DERA: variants seen among roughly 807,000 people sequenced by gnomAD.
DERA encodes 2-deoxy-D-ribose 5-phosphate aldolase.
Under a neutral mutation model 41.1 loss-of-function variants are expected in DERA, and 15 were observed. The observed-to-expected ratio is 0.37, with a 90% CI of 0.24 to 0.56. The LOEUF (loss-of-function observed/expected upper bound fraction) is 0.56. Among genes scored for constraint, DERA ranks in the 20% least tolerant of loss-of-function variants. The pLI is 0.81. For missense variants in DERA, 396 were observed against 403.4 expected (o/e 0.98, Z 0.16); for synonymous variants, 139 against 137.4 (o/e 1.01, Z -0.08).
chr12:16,036,660 T>C lies in DERA; in HGVS notation c.901-30T>C. On this transcript the variant is annotated intron_variant, in intron 8 of 8. Transcript: ENST00000428559. The surrounding 1 kb of genome is among the most constrained non-coding windows in gnomAD (Gnocchi z 4.9). ...ACTGATGTGTATAATTATAGAATGATTGTTAATTAAACTCTGCTTTTCCTC... is the reference window on the plus strand; with the variant it reads ...ACTGATGTGTATAATTATAGAATGACTGTTAATTAAACTCTGCTTTTCCTC... 6.6e-7 allele frequency: 1 copy of C among 1,504,272 alleles called. No homozygotes were observed. The allele number at this position is 1,504,272 out of a possible 1,614,324, so 93.2% of individuals were successfully genotyped here. A position where few individuals can be genotyped will look rare whatever the true frequency, so the allele number is the denominator to read the frequency against.
In DERA at chr12:15,982,420, GAT is replaced by G; in HGVS notation, c.623_624del (p.Ile208SerfsTer10). 6.2e-7 allele frequency: 1 copy of G among 1,607,916 alleles called. No individual in the cohort carries two copies. Among genetic ancestry groups the G allele is most frequent in the Non-Finnish European group, 8.5e-7 (1 of 1,178,456 alleles). ...TLTNVYKASM[I>X]AMMAGSDFIK... ...TTACTAATGTCTATAAAGCCAGTATGATAGCAATGATGGCAGGTAAGTGTTTT... is the reference window on the plus strand; with the variant it reads ...TTACTAATGTCTATAAAGCCAGTATGAGCAATGATGGCAGGTAAGTGTTTT... On this transcript the variant is annotated frameshift_variant, in exon 6 of 9. Coordinates refer to ENST00000428559, the MANE Select transcript of DERA (RefSeq NM_015954.4). LOFTEE classifies it high-confidence loss of function. The surrounding 1 kb of genome is among the most constrained non-coding windows in gnomAD (Gnocchi z 4.0).
At chr12:16,030,142 C>T (rs1032375779) in intron 6 of DERA, among the ~76,000 whole-genome samples, 9 of 150,596 alleles carry the variant, frequency 6.0e-5, no homozygotes, top group African/African-American at 2.0e-4. Flanking sequence ...CTATGTTGGC[C>T]AGGCTGGTCT....
chr12:15,981,924 GA>G lies in DERA; in HGVS notation c.509-383del, dbSNP rs1948735319. Among the ~76,000 whole-genome samples the G allele has an allele frequency of 6.6e-6, 1 of 152,066 alleles. No homozygotes were observed. The highest frequency in any genetic ancestry group is 1.5e-5 in the Non-Finnish European group (1 of 68,010). ...AATGGAAGAATTAATAAGAACCTAA[GA>G]TTTTTTTTTATTACTTTGCAAAGGG... On this transcript the variant is annotated intron_variant, in intron 5 of 8. Transcript: ENST00000428559. The surrounding 1 kb of genome is among the most constrained non-coding windows in gnomAD (Gnocchi z 6.1).
Position 16,001,420 on chromosome 12 carries a change from C to T in DERA, c.637+18984C>T, listed in dbSNP as rs1948874181. Among the ~76,000 whole-genome samples the T allele has an allele frequency of 1.3e-5, 2 of 152,092 alleles. No homozygotes were observed. The highest frequency in any genetic ancestry group is 2.9e-5 in the Non-Finnish European group (2 of 68,002). ...CCTTCAGGGCTAGAGTGGAAAAGTTCAGTGTTTTATTCGAGACAATTGACT... is the reference window on the plus strand; with the variant it reads ...CCTTCAGGGCTAGAGTGGAAAAGTTTAGTGTTTTATTCGAGACAATTGACT... On this transcript the variant is annotated intron_variant, in intron 6 of 8. Coordinates refer to ENST00000428559, the MANE Select transcript of DERA (RefSeq NM_015954.4). The surrounding 1 kb of genome is among the most constrained non-coding windows in gnomAD (Gnocchi z 4.1).
At chr12:15,969,197 A>G (rs905093015) in intron 5 of DERA, among the ~76,000 whole-genome samples, 8 of 152,238 alleles carry the variant, frequency 5.3e-5, no homozygotes, top group South Asian at 2.1e-4. Context: ...TCATCATTTC[A>G]TAAATCTTAT....
intron 5 of DERA, among the ~76,000 whole-genome samples, chr12:15,975,856 C>T (rs771669050): frequency 2.0e-5 from 3 of 152,318 alleles, no homozygotes. Context: ...TTTGTCTGCT[C>T]CAGCTTTGGA....
chr12:15,917,004 C>T (rs1335437193), intron 1 of DERA, among the ~76,000 whole-genome samples: 4 of 152,074 alleles, frequency 2.6e-5, no homozygotes, highest in Admixed American at 6.5e-5. Context: ...CGAATTTCTA[C>T]GTCTGGAGTT....
At chr12:15,952,500 T>C (rs1948505934) in intron 1 of DERA, among the ~76,000 whole-genome samples, 1 of 152,178 alleles carries the variant, frequency 6.6e-6, no homozygotes, top group African/African-American at 2.4e-5. Flanking sequence ...ATGTGAGACA[T>C]GGAGTCATTT....
chr12:15,949,770 T>C (rs1948483039), intron 1 of DERA, among the ~76,000 whole-genome samples: 1 of 152,146 alleles, frequency 6.6e-6, no homozygotes, highest in African/African-American at 2.4e-5. Context: ...AATGCAGAAA[T>C]CACCCGTCTT....
rs748407972 is a variant in DERA at position 16,036,736 on chromosome 12, C to T, written c.947C>T (p.Pro316Leu). The change falls in exon 9 of 9, where the codon CCA (proline) becomes CTA (leucine). Residue 316 changes from proline to leucine, a missense_variant. Physicochemically the swap from Pro to Leu is moderately conservative, Grantham distance 98. Transcript: ENST00000428559. This position sits in a 1 kb window ranked among gnomAD's most constrained non-coding sequence, Gnocchi z 4.9. ...AGATATGCAGCTTATCATGATCTTCCAATGTCTTAAATCAGTCACCAGTTC... is the reference window on the plus strand; with the variant it reads ...AGATATGCAGCTTATCATGATCTTCTAATGTCTTAAATCAGTCACCAGTTC... ...TGRYAAYHDL[P>L]MS 1 of 1,596,994 alleles carries T rather than the reference C, an allele frequency of 6.3e-7. No homozygotes were observed.
chr12:15,950,923 G>A (rs1948493173), intron 1 of DERA, among the ~76,000 whole-genome samples: 1 of 152,216 alleles, frequency 6.6e-6, no homozygotes, highest in Non-Finnish European at 1.5e-5. Context: ...TTTGATATTA[G>A]TTGAATGAAT....
At chr12:15,980,087 T>C (rs1592031977) in intron 5 of DERA, among the ~76,000 whole-genome samples, 1 of 152,350 alleles carries the variant, frequency 6.6e-6, no homozygotes, top group East Asian at 1.9e-4. Flanking sequence ...TTGACTTTTA[T>C]AACACAACAC....
rs1235319861 is a variant in DERA at position 15,936,253 on chromosome 12, T to C, written c.32-20683T>C. ...AGGCTAGCTACCCGTTTCCCTTATTTGCTATGTTAATTATTTTAACTTGCT... is the reference window on the plus strand; with the variant it reads ...AGGCTAGCTACCCGTTTCCCTTATTCGCTATGTTAATTATTTTAACTTGCT... On this transcript the variant is annotated intron_variant, in intron 1 of 8. Transcript: ENST00000428559. The surrounding 1 kb of genome is among the most constrained non-coding windows in gnomAD (Gnocchi z 4.6). Among the ~76,000 whole-genome samples, 1 of 152,232 alleles carries C rather than the reference T, an allele frequency of 6.6e-6. No individual in the cohort carries two copies. The highest frequency in any genetic ancestry group is 1.5e-5 in the Non-Finnish European group (1 of 68,034).
chr12:16,033,875 A>G (rs1348912478), intron 7 of DERA, among the ~76,000 whole-genome samples: 1 of 152,168 alleles, frequency 6.6e-6, no homozygotes, highest in African/African-American at 2.4e-5. Flanking sequence ...TAGGATAAAT[A>G]TCTATTGTGA....
chr12:15,974,589 T>C (rs142743927), intron 5 of DERA, among the ~76,000 whole-genome samples: 16 of 152,352 alleles, frequency 1.1e-4, no homozygotes, highest in Middle Eastern at 3.4e-3. Flanking sequence ...TTCCTTTTTT[T>C]ACTTGGCAAA....
At chr12:16,016,078 C>T (rs1490450085) in intron 6 of DERA, among the ~76,000 whole-genome samples, 1 of 152,154 alleles carries the variant, frequency 6.6e-6, no homozygotes, top group East Asian at 1.9e-4. Context: ...GCTAATTATC[C>T]TTGGATCATG....
Position 15,988,561 on chromosome 12 carries a change from A to G in DERA, c.637+6125A>G, listed in dbSNP as rs1346052753. ...TATATGCTCAGAATGAAGGAAGTGC[A>G]TGCTGATTGGTCCATGGGCGGCCAT... On this transcript the variant is annotated intron_variant, in intron 6 of 8. Coordinates refer to ENST00000428559, the MANE Select transcript of DERA (RefSeq NM_015954.4). The surrounding 1 kb of genome is among the most constrained non-coding windows in gnomAD (Gnocchi z 6.0). Among the ~76,000 whole-genome samples, 1 of 152,148 alleles carries G rather than the reference A, an allele frequency of 6.6e-6. No homozygotes were observed. Among genetic ancestry groups the G allele is most frequent in the Non-Finnish European group, 1.5e-5 (1 of 68,032 alleles).
chr12:16,025,529 A>G (rs766743540), intron 6 of DERA, among the ~76,000 whole-genome samples: 2 of 152,126 alleles, frequency 1.3e-5, no homozygotes, highest in Non-Finnish European at 2.9e-5. Flanking sequence ...GTATGCACCT[A>G]GCCACAGAGC....
intron 6 of DERA, among the ~76,000 whole-genome samples, chr12:15,987,230 C>CTTTTTTT (rs995016192): frequency 3.5e-5 from 3 of 85,350 alleles, no homozygotes; most frequent in Non-Finnish European, 7.1e-5. Flanking sequence ...TATATATGTA[C>CTTTTTTT]TTTTTTTTTT....
Sources: gnomAD v4.1 joint callset for allele counts (sites outside exome capture counted in the v4.1 genomes callset) on GRCh38, gnomAD v4.1.1 for gene constraint, Gnocchi (gnomAD v3.1) non-coding constraint, MANE v1.5 for transcripts, NCBI Gene and HGNC (gene_info 2026-07-23, HGNC 2026-07-21) for gene names.